The following IQGAP2 variants were observed in gnomAD, a reference collection of about 807,000 sequenced individuals.
IQGAP2 encodes ras GTPase-activating-like protein IQGAP2.
A neutral mutation model predicts 201.3 loss-of-function variants in IQGAP2; 173 were observed. The observed-to-expected ratio is 0.86, with a 90% CI of 0.76 to 0.98. The LOEUF (loss-of-function observed/expected upper bound fraction) is 0.98, where lower values mean the gene tolerates loss of function less well. Among genes scored for constraint, IQGAP2 ranks in the 50% least tolerant of loss-of-function variants. IQGAP2 has a pLI of 0.00. For missense variants in IQGAP2, 1,687 were observed against 1,864.8 expected, an observed-to-expected ratio of 0.90 and a Z score of 1.76; for synonymous variants, 675 against 673.9, an observed-to-expected ratio of 1.00 and a Z score of -0.03.
chr5:76,645,331 G>A (rs1008867996), intron 17 of IQGAP2, among the ~76,000 whole-genome samples: 14 of 152,300 alleles, frequency 9.2e-5, no homozygotes, highest in African/African-American at 3.1e-4. Flanking sequence ...TGTCTTTATA[G>A]TAGAATGATT....
At chr5:76,406,654 T>C (rs1750810748) in intron 1 of IQGAP2, among the ~76,000 whole-genome samples, 1 of 152,250 alleles carries the variant, frequency 6.6e-6, no homozygotes, top group Non-Finnish European at 1.5e-5. Context: ...ATTGCTGCCA[T>C]GATCTGTCGT....
chr5:76,470,486 A>G (rs2150134354), intron 2 of IQGAP2, among the ~76,000 whole-genome samples: 2 of 152,300 alleles, frequency 1.3e-5, no homozygotes, highest in East Asian at 3.9e-4. Flanking sequence ...TATTTTTGTT[A>G]CTATTAGAAA....
chr5:76,636,240 G>C (rs1425065297), intron 15 of IQGAP2, among the ~76,000 whole-genome samples: 2 of 152,122 alleles, frequency 1.3e-5, no homozygotes, highest in African/African-American at 2.4e-5. Context: ...AACTTCTTAT[G>C]TTTTTCTGTT....
At chr5:76,550,369 A>G (rs929714697) in intron 2 of IQGAP2, among the ~76,000 whole-genome samples, 2 of 109,542 alleles carry the variant, frequency 1.8e-5, no homozygotes, top group Non-Finnish European at 3.8e-5. Flanking sequence ...TTTTTTCAGT[A>G]TTTATTGATC....
chr5:76,593,066 T>C, intron 9 of IQGAP2, 141 bp downstream of exon 9: 1 of 665,424 alleles, frequency 1.5e-6, no homozygotes, highest in South Asian at 2.0e-5. Flanking sequence ...TCAGTGTTGC[T>C]CTTAATTATG....
Position 76,600,871 on chromosome 5 carries a change from A to G in IQGAP2, c.1131A>G (p.Leu377=), listed in dbSNP as rs1235307614. ...TGGAAATGTTGTCTGCTGTTGCTTTACTAAACCAGGCCTTGGAAAGCAACG... is the reference window on the plus strand; with the variant it reads ...TGGAAATGTTGTCTGCTGTTGCTTTGCTAAACCAGGCCTTGGAAAGCAACG... The part of the protein sequence containing the change: ...IAVEMLSAVA[L]LNQALESNDL... Residue 377 remains leucine, a synonymous_variant, in exon 11 of 36, where the codon TTA becomes TTG. Coordinates refer to ENST00000274364, the MANE Select transcript of IQGAP2 (RefSeq NM_006633.5). 1 of 1,613,998 alleles carries G rather than the reference A, an allele frequency of 6.2e-7. No homozygotes were observed. Among genetic ancestry groups the G allele is most frequent in the Non-Finnish European group, 8.5e-7 (1 of 1,179,990 alleles).
chr5:76,538,570 TG>T (rs1458091568), intron 2 of IQGAP2, among the ~76,000 whole-genome samples: 4 of 152,298 alleles, frequency 2.6e-5, no homozygotes, highest in African/African-American at 9.6e-5. Flanking sequence ...AATTGATGTG[TG>T]TTTAGCTCTG....
intron 1 of IQGAP2, among the ~76,000 whole-genome samples, chr5:76,442,868 T>C (rs1753129633): frequency 6.6e-6 from 1 of 152,298 alleles, no homozygotes; most frequent in Admixed American, 6.5e-5. Flanking sequence ...GTGCCTGTAA[T>C]CCCAGCTACT....
intron 6 of IQGAP2, among the ~76,000 whole-genome samples, chr5:76,589,178 G>A (rs1746459495): frequency 6.6e-6 from 1 of 151,994 alleles, no homozygotes; most frequent in Non-Finnish European, 1.5e-5. Flanking sequence ...CGGGCGTGGT[G>A]GGGGGCTCCT....
chr5:76,618,129 A>G lies in IQGAP2; in HGVS notation c.1521+6946A>G, dbSNP rs376056944. On this transcript the variant is annotated intron_variant, in intron 13 of 35. Coordinates refer to ENST00000274364, the MANE Select transcript of IQGAP2 (RefSeq NM_006633.5). ...GTAGGTGAAAGGATGGACGATGGCC[A>G]GGTAGCGGTTGATGCTGATGCAGGC... is the stretch of plus-strand genomic sequence containing the variant. The G allele has an allele frequency of 1.1e-4, 177 of 1,614,160 alleles. 1 individual carries two copies. The highest frequency in any genetic ancestry group is 8.8e-4 in the South Asian group (80 of 91,084).
At chr5:76,597,675 G>A in intron 10 of IQGAP2, 73 bp downstream of exon 10, 1 of 1,499,602 alleles carries the variant, frequency 6.7e-7, no homozygotes, top group South Asian at 1.1e-5. Flanking sequence ...AGCCTAGTTA[G>A]GAAAGGGGAA....
chr5:76,635,537 T>C (rs1751053958), intron 15 of IQGAP2, among the ~76,000 whole-genome samples: 1 of 152,154 alleles, frequency 6.6e-6, no homozygotes, highest in South Asian at 2.1e-4. Context: ...CTGACAACTA[T>C]TGGTAATTGA....
chr5:76,556,477 C>T (rs1255389790), intron 2 of IQGAP2, among the ~76,000 whole-genome samples: 8 of 152,160 alleles, frequency 5.3e-5, no homozygotes, highest in South Asian at 2.1e-4. Context: ...AAAGAAGAAC[C>T]TTACCAAGGA....
chr5:76,671,872 C>T lies in IQGAP2; in HGVS notation c.2957C>T (p.Ala986Val). Residue 986 changes from alanine (A) to valine (V), a missense_variant, in exon 24 of 36, where the codon GCT becomes GTT. Coordinates refer to ENST00000274364, the MANE Select transcript of IQGAP2 (RefSeq NM_006633.5). ...CAGAACACCCTGCGCCAACTCCTGG[C>T]TCCAGTGGTAAAAGAGATCATCGAC... ...RGQNTLRQLL[A>V]PVVKEIIDDK... 1 of 1,614,050 alleles carries T rather than the reference C, an allele frequency of 6.2e-7. No individual in the cohort carries two copies. Among genetic ancestry groups the T allele is most frequent in the Non-Finnish European group, 8.5e-7 (1 of 1,179,986 alleles).
At chr5:76,468,283 A>G (rs1370997185) in intron 2 of IQGAP2, among the ~76,000 whole-genome samples, 1 of 152,196 alleles carries the variant, frequency 6.6e-6, no homozygotes, top group African/African-American at 2.4e-5. Context: ...ACAGATATTT[A>G]TTGAGCATCC....
chr5:76,618,210 C>T, intron 13 of IQGAP2: 7 of 1,614,128 alleles, frequency 4.3e-6, no homozygotes, highest in Non-Finnish European at 5.9e-6. Context: ...GGTGGCCCGG[C>T]ACAGGACCTC....
intron 2 of IQGAP2, among the ~76,000 whole-genome samples, chr5:76,560,225 T>C (rs970017935): frequency 6.6e-6 from 1 of 152,084 alleles, no homozygotes; most frequent in African/African-American, 2.4e-5. Flanking sequence ...TGACTACAGC[T>C]TACTGCAGCC....
intron 2 of IQGAP2, among the ~76,000 whole-genome samples, chr5:76,473,115 G>A (rs1755211983): frequency 6.6e-6 from 1 of 152,218 alleles, no homozygotes; most frequent in Admixed American, 6.5e-5. Context: ...TGACTTCAAA[G>A]ACTGTGCTTA....
intron 35 of IQGAP2, among the ~76,000 whole-genome samples, chr5:76,705,110 T>C (rs554889778): frequency 6.6e-6 from 1 of 152,142 alleles, no homozygotes; most frequent in Non-Finnish European, 1.5e-5. Context: ...CTTCTTCCTC[T>C]CCTAGATGAA....
Sources: gnomAD v4.1 joint callset for allele counts (sites outside exome capture counted in the v4.1 genomes callset) on GRCh38, gnomAD v4.1.1 for gene constraint, MANE v1.5 for transcripts, NCBI Gene and HGNC (gene_info 2026-07-23, HGNC 2026-07-21) for gene names.